Variants in TTC3 observed in about 807,000 individuals in gnomAD.
TTC3 encodes E3 ubiquitin-protein ligase TTC3.
In TTC3, 180 loss-of-function variants were observed where a neutral mutation model predicts 249.6. The ratio of observed to expected loss-of-function variants is 0.72; its 90% CI spans 0.64 to 0.82. The LOEUF is 0.82. TTC3 is among the 40% of genes least tolerant of loss of function. The probability of loss-of-function intolerance (pLI) is 0.00; values close to 1 mark genes in which losing one functional copy is unlikely to be tolerated. For synonymous variants in TTC3, 717 were observed against 805.0 expected (o/e 0.89, Z 1.85); for missense variants, 2,061 against 2,398.4 (o/e 0.86, Z 2.94).
Position 37,119,341 on chromosome 21 carries a change from T to C in TTC3, c.901-2476T>C, listed in dbSNP as rs140250102. ...TTCACCCCATGAATTATGGTGTTTTTCACTCTTGTTGATAGGAACAGGAAT... is the reference window on the plus strand; with the variant it reads ...TTCACCCCATGAATTATGGTGTTTTCCACTCTTGTTGATAGGAACAGGAAT... On this transcript the variant is annotated intron_variant, in intron 11 of 45. Transcript: ENST00000355666. Among the ~76,000 whole-genome samples the C allele has an allele frequency of 6.3e-3, 954 of 152,300 alleles. 7 individuals are homozygous for C. Among genetic ancestry groups the C allele is most frequent in the African/African-American group, 0.021 (867 of 41,586 alleles).
intron 41 of TTC3, among the ~76,000 whole-genome samples, chr21:37,193,105 T>G (rs997327030): frequency 2.1e-4 from 32 of 152,196 alleles, no homozygotes; most frequent in African/African-American, 7.7e-4. Context: ...TTCTGGTTCC[T>G]AAAGACGGAG....
At chr21:37,114,341 A>G (rs915565919) in intron 11 of TTC3, among the ~76,000 whole-genome samples, 1 of 152,212 alleles carries the variant, frequency 6.6e-6, no homozygotes, top group African/African-American at 2.4e-5. Flanking sequence ...CAAATTTACA[A>G]GAAAAAAACA....
chr21:37,188,742 TACAA>T, intron 39 of TTC3, 147 bp downstream of exon 39: 1 of 483,884 alleles, frequency 2.1e-6, no homozygotes, highest in Non-Finnish European at 3.6e-6. Flanking sequence ...AGTTAAGACA[TACAA>T]ACAAAAATGA....
chr21:37,200,926 G>T (rs1424974689), intron 45 of TTC3, among the ~76,000 whole-genome samples: 1 of 152,194 alleles, frequency 6.6e-6, no homozygotes. Flanking sequence ...GAGACCACTT[G>T]CCAAGTCTCT....
At chr21:37,087,590 A>G (rs1029387967) in intron 2 of TTC3, among the ~76,000 whole-genome samples, 189 bp downstream of exon 2, 42 of 152,172 alleles carry the variant, frequency 2.8e-4, no homozygotes, top group African/African-American at 9.2e-4. Context: ...GTGCCAGAGA[A>G]TGAGTGGTGG....
intron 10 of TTC3, among the ~76,000 whole-genome samples, chr21:37,104,786 T>C (rs1016413292): frequency 2.6e-5 from 4 of 152,180 alleles, no homozygotes; most frequent in Admixed American, 6.5e-5. Flanking sequence ...CAACCTGGAC[T>C]GCACTTTGGA....
intron 21 of TTC3, 42 bp from the exon 22 acceptor site, chr21:37,147,439 A>G (rs1202975324): frequency 6.5e-7 from 1 of 1,538,526 alleles, no homozygotes; most frequent in Admixed American, 2.1e-5. Context: ...TTATTGACAG[A>G]TTAGTATTGT....
At chr21:37,115,254 G>A (rs976625985) in intron 11 of TTC3, among the ~76,000 whole-genome samples, 1 of 151,686 alleles carries the variant, frequency 6.6e-6, no homozygotes, top group African/African-American at 2.4e-5. Flanking sequence ...TTGGTACACA[G>A]ATAAAAGAAT....
intron 35 of TTC3, among the ~76,000 whole-genome samples, chr21:37,175,576 G>T (rs561367755): frequency 8.1e-6 from 1 of 123,524 alleles, no homozygotes; most frequent in African/African-American, 3.1e-5. Context: ...CAGTCTGGGC[G>T]ACAAGAGCTA....
chr21:37,153,729 C>A (rs2079712954), intron 27 of TTC3, among the ~76,000 whole-genome samples: 1 of 151,446 alleles, frequency 6.6e-6, no homozygotes, highest in African/African-American at 2.4e-5. Flanking sequence ...ATACTAGGCA[C>A]AACCATGGTA....
At chr21:37,146,849 T>C (rs1431518554) in intron 21 of TTC3, among the ~76,000 whole-genome samples, 1 of 152,230 alleles carries the variant, frequency 6.6e-6, no homozygotes, top group Non-Finnish European at 1.5e-5. Flanking sequence ...GTGTAAATTA[T>C]GTCTCAACAA....
Position 37,195,827 on chromosome 21 carries a change from GTTGCCAGGGCCACC to G in TTC3, c.5371_5384del (p.Leu1791ProfsTer5). 6.2e-7 allele frequency: 1 copy of G among 1,614,244 alleles called. No individual in the cohort carries two copies. The highest frequency in any genetic ancestry group is 8.5e-7 in the Non-Finnish European group (1 of 1,180,038). The stretch of plus-strand genomic sequence containing the variant: ...CCCCAGGGGAGGCTCCTTCTGCGCT[GTTGCCAGGGCCACC>G]CCCTGGTCAGCCTGAAGCCACTCAG... On this transcript the variant is annotated frameshift_variant, in exon 42 of 46. Coordinates refer to ENST00000355666, the Ensembl canonical transcript of TTC3. LOFTEE classifies it high-confidence loss of function.
At chr21:37,126,591 T>C (rs2077059649) in intron 15 of TTC3, among the ~76,000 whole-genome samples, 1 of 152,190 alleles carries the variant, frequency 6.6e-6, no homozygotes, top group African/African-American at 2.4e-5. Flanking sequence ...TGTCTCCCAA[T>C]AACTAATTTT....
At chr21:37,199,602 A>C (rs1373019503) in intron 44 of TTC3, among the ~76,000 whole-genome samples, 1 of 152,240 alleles carries the variant, frequency 6.6e-6, no homozygotes, top group African/African-American at 2.4e-5. Flanking sequence ...TTTGATTTGC[A>C]CAAGTAATCC....
intron 1 of TTC3, among the ~76,000 whole-genome samples, chr21:37,076,889 C>T (rs914708967): frequency 2.0e-5 from 3 of 151,736 alleles, no homozygotes; most frequent in South Asian, 2.1e-4. Flanking sequence ...TTAGTAGAGA[C>T]GGGATTTCAC....
intron 10 of TTC3, among the ~76,000 whole-genome samples, chr21:37,106,243 A>G (rs1413880006): frequency 6.6e-6 from 1 of 151,720 alleles, no homozygotes; most frequent in African/African-American, 2.4e-5. Flanking sequence ...GTCTTTTGCT[A>G]TTTTTTTCTC....
At chr21:37,073,262 C>G (rs904861666), upstream of TTC3, 1 of 186,182 alleles carries the variant, frequency 5.4e-6, no homozygotes, top group African/African-American at 2.4e-5. Context: ...CCACCCGCTC[C>G]CTCCCGCCGT....
rs578091881 is a variant in TTC3, at chr21:37,160,794, T to G, written c.3040-8T>G. On this transcript the variant is annotated splice_region_variant and splice_polypyrimidine_tract_variant and intron_variant, in intron 29 of 45. Coordinates refer to ENST00000355666, the Ensembl canonical transcript of TTC3. ...GAGTGTTCACTGATTTTTCCCCCCATTTTTTAGTTTAGTTCAACCAAGGTG... is the reference window on the plus strand; with the variant it reads ...GAGTGTTCACTGATTTTTCCCCCCAGTTTTTAGTTTAGTTCAACCAAGGTG... 1.9e-6 allele frequency: 3 copies of G among 1,612,466 alleles called. No individual in the cohort carries two copies. The highest frequency in any genetic ancestry group is 2.5e-6 in the Non-Finnish European group (3 of 1,179,242).
At chr21:37,167,027 C>T (rs1471024247) in intron 33 of TTC3, among the ~76,000 whole-genome samples, 7 of 152,098 alleles carry the variant, frequency 4.6e-5, no homozygotes, top group South Asian at 2.1e-4. Flanking sequence ...GGCCTTCCAG[C>T]GTGGGGTGCC....
Sources: gnomAD v4.1 joint callset for allele counts (sites outside exome capture counted in the v4.1 genomes callset) on GRCh38, gnomAD v4.1.1 for gene constraint, MANE v1.5 for transcripts, NCBI Gene and HGNC (gene_info 2026-07-23, HGNC 2026-07-21) for gene names.